NCOA2: variants seen among roughly 807,000 people sequenced by gnomAD.
NCOA2 encodes class E basic helix-loop-helix protein 75.
In NCOA2, 21 loss-of-function variants were observed where a neutral mutation model predicts 145.1. The observed-to-expected ratio is 0.14, with a 90% CI of 0.10 to 0.21. The LOEUF is 0.21. Ranked by LOEUF, NCOA2 falls within the 10% of genes least tolerant of loss-of-function variation. NCOA2 has a pLI of 1.00. For missense variants in NCOA2, 1,472 were observed against 1,837.6 expected (o/e 0.80, Z 3.64); for synonymous variants, 619 against 637.5 (o/e 0.97, Z 0.44).
intron 2 of NCOA2, among the ~76,000 whole-genome samples, chr8:70,240,713 CAT>C (rs1822054987): frequency 6.6e-6 from 1 of 152,080 alleles, no homozygotes; most frequent in African/African-American, 2.4e-5. Flanking sequence ...ATGTAACTTA[CAT>C]ATTAAATAAG....
chr8:70,196,502 A>T (rs1663401610), intron 4 of NCOA2, among the ~76,000 whole-genome samples: 1 of 152,244 alleles, frequency 6.6e-6, no homozygotes, highest in African/African-American at 2.4e-5. Flanking sequence ...ACCCTGGATT[A>T]GAGACAGTTA....
intron 2 of NCOA2, among the ~76,000 whole-genome samples, chr8:70,276,630 T>G (rs1825487607): frequency 6.6e-6 from 1 of 152,216 alleles, no homozygotes; most frequent in African/African-American, 2.4e-5. Context: ...CATTCTTCTC[T>G]CGCCTGCTGC....
At chr8:70,452,400 C>T in the NCOA2 span, among the ~76,000 whole-genome samples, 18 of 152,178 alleles carry the variant, frequency 1.2e-4, no homozygotes, top group African/African-American at 4.1e-4. Context: ...CCATGTCACA[C>T]CCATGAGGAT....
Position 70,317,738 on chromosome 8 carries a change from G to A in NCOA2, c.-76-20938C>T, listed in dbSNP as rs564012749. Among the ~76,000 whole-genome samples the A allele has an allele frequency of 2.6e-5, 4 of 152,198 alleles. No homozygotes were observed. In the East Asian group the frequency reaches 7.7e-4, roughly 29 times the overall value. ...AGGAGTCCTAATTCAGGCCAACCCAGGGGCATCTATTGGTATGTAGAAGCT... is the reference window on the plus strand; with the variant it reads ...AGGAGTCCTAATTCAGGCCAACCCAAGGGCATCTATTGGTATGTAGAAGCT... On this transcript the variant is annotated intron_variant, in intron 1 of 22. Transcript: ENST00000452400.
chr8:70,168,965 T>C (rs1813932225), intron 6 of NCOA2, among the ~76,000 whole-genome samples: 1 of 152,200 alleles, frequency 6.6e-6, no homozygotes, highest in African/African-American at 2.4e-5. Flanking sequence ...CAAAGAATTA[T>C]CACATAAAGG....
At chr8:70,351,219 C>T (rs1328950320) in intron 1 of NCOA2, among the ~76,000 whole-genome samples, 3 of 152,270 alleles carry the variant, frequency 2.0e-5, no homozygotes, top group East Asian at 1.9e-4. Flanking sequence ...ATTGAAACCA[C>T]GGTAAACATA....
At chr8:70,436,461 T>C in the NCOA2 span, among the ~76,000 whole-genome samples, 1 of 152,220 alleles carries the variant, frequency 6.6e-6, no homozygotes, top group East Asian at 1.9e-4. Context: ...CTCGTGCAGC[T>C]GTGAAGTTGA....
intron 1 of NCOA2, among the ~76,000 whole-genome samples, chr8:70,322,270 C>T (rs1422703378): frequency 6.6e-6 from 1 of 152,148 alleles, no homozygotes. Flanking sequence ...AAATCTGCTA[C>T]TTTCAACCAA....
intron 6 of NCOA2, among the ~76,000 whole-genome samples, chr8:70,169,669 T>C (rs1755123256): frequency 6.6e-6 from 1 of 152,068 alleles, no homozygotes; most frequent in Admixed American, 6.6e-5. Flanking sequence ...AAATACCCCA[T>C]CTCCATGATG....
intron 2 of NCOA2, among the ~76,000 whole-genome samples, chr8:70,275,393 T>C (rs557866191): frequency 9.9e-5 from 15 of 152,160 alleles, no homozygotes; most frequent in African/African-American, 2.9e-4. Flanking sequence ...AAAAATACTA[T>C]ATAAATCATG....
At chr8:70,372,457 C>A (rs1036584127) in intron 1 of NCOA2, among the ~76,000 whole-genome samples, 1 of 152,146 alleles carries the variant, frequency 6.6e-6, no homozygotes, top group Non-Finnish European at 1.5e-5. Flanking sequence ...TACAAACCAA[C>A]CCCACCAACC....
chr8:70,245,797 G>C (rs191795098), intron 2 of NCOA2, among the ~76,000 whole-genome samples: 3 of 152,034 alleles, frequency 2.0e-5, no homozygotes, highest in Non-Finnish European at 4.4e-5. Context: ...TGAACAGTGA[G>C]GGGCAGTTAA....
intron 2 of NCOA2, among the ~76,000 whole-genome samples, chr8:70,255,196 C>G (rs1823534978): frequency 6.6e-6 from 1 of 152,186 alleles, no homozygotes; most frequent in African/African-American, 2.4e-5. Context: ...ACCCCCGAGT[C>G]TGTCACAACC....
chr8:70,417,957 C>T, the NCOA2 span, among the ~76,000 whole-genome samples: 1 of 152,168 alleles, frequency 6.6e-6, no homozygotes, highest in African/African-American at 2.4e-5. Flanking sequence ...ATCTTAACTT[C>T]CAGTTCATGG....
chr8:70,176,099 ATAT>A (rs1353543839), intron 4 of NCOA2, among the ~76,000 whole-genome samples: 3 of 152,206 alleles, frequency 2.0e-5, no homozygotes, highest in African/African-American at 7.2e-5. Context: ...TGTCTCCCGT[ATAT>A]CATGGACTGA....
intron 12 of NCOA2, among the ~76,000 whole-genome samples, chr8:70,147,116 G>A (rs781388854): frequency 5.6e-4 from 70 of 125,548 alleles, no homozygotes; most frequent in African/African-American, 1.7e-3. Context: ...TCTTTCGCGC[G>A]CGCGCGCGCG....
intron 13 of NCOA2, among the ~76,000 whole-genome samples, 152 bp from the exon 14 acceptor site, chr8:70,141,551 T>C (rs1810435506): frequency 6.6e-6 from 1 of 152,216 alleles, no homozygotes; most frequent in Non-Finnish European, 1.5e-5. Context: ...TGTGGGACCT[T>C]GGCTAAGAAA....
chr8:70,187,933 A>AT (rs1816258175), intron 4 of NCOA2, among the ~76,000 whole-genome samples: 1 of 152,166 alleles, frequency 6.6e-6, no homozygotes, highest in African/African-American at 2.4e-5. Context: ...ACCCAATGGC[A>AT]TTTTTCCCCC....
At chr8:70,435,192 G>A in the NCOA2 span, among the ~76,000 whole-genome samples, 2 of 151,658 alleles carry the variant, frequency 1.3e-5, no homozygotes, top group South Asian at 2.1e-4. Context: ...TTGGGAGGCC[G>A]AGGCGGGCGG....
Sources: gnomAD v4.1 joint callset for allele counts (sites outside exome capture counted in the v4.1 genomes callset) on GRCh38, gnomAD v4.1.1 for gene constraint, MANE v1.5 for transcripts, NCBI Gene and HGNC (gene_info 2026-07-23, HGNC 2026-07-21) for gene names.